Variants in KCNC2 observed in about 807,000 individuals in gnomAD.
The protein encoded by KCNC2 is voltage-gated potassium channel KCNC2.
A neutral mutation model predicts 44.5 loss-of-function variants in KCNC2; 21 were observed. That is an observed-to-expected ratio of 0.47 (90% CI 0.33 to 0.68). KCNC2 has a LOEUF of 0.68. KCNC2 is among the 30% of genes least tolerant of loss of function. KCNC2 has a pLI of 0.01. For missense variants in KCNC2, 589 were observed against 826.2 expected, an observed-to-expected ratio of 0.71 and a Z score of 3.52; for synonymous variants, 391 against 339.1, an observed-to-expected ratio of 1.15 and a Z score of -1.68.
At chr12:75,196,958 T>A (rs2030821451) in intron 2 of KCNC2, among the ~76,000 whole-genome samples, 1 of 152,054 alleles carries the variant, frequency 6.6e-6, no homozygotes, top group Non-Finnish European at 1.5e-5. Context: ...TGTTGAATTG[T>A]ATTTGTTTTT....
At chr12:75,175,406 A>C (rs1341568692) in intron 2 of KCNC2, among the ~76,000 whole-genome samples, 1 of 152,032 alleles carries the variant, frequency 6.6e-6, no homozygotes, top group East Asian at 1.9e-4. Flanking sequence ...GAGATTATAT[A>C]TGTGGGGAAT....
rs1270264389 is a variant in KCNC2 at position 75,041,945 on chromosome 12, T to C, written c.*1160A>G. On this transcript the variant is annotated 3_prime_UTR_variant, in exon 5 of 5. Transcript: ENST00000549446. ...GTGCTTCATGGAGACAGATGGCATATACAGGAAAGACAGGGAGCTAAGACA... is the reference window on the plus strand; with the variant it reads ...GTGCTTCATGGAGACAGATGGCATACACAGGAAAGACAGGGAGCTAAGACA... 5.0e-6 allele frequency: 5 copies of C among 1,006,212 alleles called. No individual in the cohort carries two copies. In the African/African-American group the frequency reaches 5.2e-5, roughly 10 times the overall value. The allele number at this position is 1,006,212 out of a possible 1,614,324, so 62.3% of individuals were successfully genotyped here. A position where few individuals can be genotyped will look rare whatever the true frequency, so the allele number is the denominator to read the frequency against.
chr12:75,043,514 G>A (rs1241812631), intron 4 of KCNC2: 2 of 1,230,312 alleles, frequency 1.6e-6, no homozygotes, highest in Non-Finnish European at 2.1e-6. Flanking sequence ...TATAATTTTG[G>A]CATATAGAAT....
rs560846232 is a variant in KCNC2 at position 75,050,919 on chromosome 12, G to A, written c.1086C>T (p.Thr362=). 1 of 1,613,488 alleles carries A rather than the reference G, an allele frequency of 6.2e-7. No individual in the cohort carries two copies. Among genetic ancestry groups the A allele is most frequent in the African/African-American group, 1.3e-5 (1 of 74,920 alleles). Reference sequence around the variant, plus strand: ...GCACCCTCAGACCTACAAAATGGCGGGTGAGCTTGAAAATTCTCAGGATCC... The same window carrying A: ...GCACCCTCAGACCTACAAAATGGCGAGTGAGCTTGAAAATTCTCAGGATCC... ...FVRILRIFKL[T]RHFVGLRVLG... The change falls in exon 3 of 5, where the codon ACC becomes ACT. Residue 362 remains threonine (T), a synonymous_variant. Coordinates refer to ENST00000549446, the MANE Select transcript of KCNC2 (RefSeq NM_139137.4).
chr12:75,041,746 C>A lies in KCNC2; in HGVS notation c.*1359G>T. On this transcript the variant is annotated 3_prime_UTR_variant, in exon 5 of 5. Coordinates refer to ENST00000549446, the MANE Select transcript of KCNC2 (RefSeq NM_139137.4). ...ACCAAGTGCAATGGTGAAATTGCTG[C>A]TTAAACCCTGCTTATCAAAAAGATT... 1.0e-6 allele frequency: 1 copy of A among 992,306 alleles called. No individual in the cohort carries two copies. The highest frequency in any genetic ancestry group is 1.2e-6 in the Non-Finnish European group (1 of 833,868). The allele number at this position is 992,306 out of a possible 1,614,324, so 61.5% of individuals were successfully genotyped here.
intron 2 of KCNC2, among the ~76,000 whole-genome samples, chr12:75,170,202 G>A (rs1593017368): frequency 6.6e-6 from 1 of 151,672 alleles, no homozygotes; most frequent in Non-Finnish European, 1.5e-5. Context: ...ATTTTACAAA[G>A]CTCTTCCTCG....
At chr12:75,153,564 C>T (rs902545864) in intron 2 of KCNC2, among the ~76,000 whole-genome samples, 1 of 151,556 alleles carries the variant, frequency 6.6e-6, no homozygotes, top group Non-Finnish European at 1.5e-5. Flanking sequence ...CAGTCTTCAC[C>T]ACTATGCAAT....
chr12:75,173,473 T>A (rs2137594049), intron 2 of KCNC2, among the ~76,000 whole-genome samples: 1 of 151,950 alleles, frequency 6.6e-6, no homozygotes, highest in South Asian at 2.1e-4. Context: ...TAGTTCCTCA[T>A]TTCTCACAAA....
intron 2 of KCNC2, among the ~76,000 whole-genome samples, chr12:75,102,103 G>T (rs1391891787): frequency 6.6e-6 from 1 of 152,054 alleles, no homozygotes; most frequent in Non-Finnish European, 1.5e-5. Flanking sequence ...CATCAGTGGA[G>T]AGTGTATGAA....
chr12:75,127,478 G>C (rs1592927623), intron 2 of KCNC2, among the ~76,000 whole-genome samples: 2 of 152,082 alleles, frequency 1.3e-5, no homozygotes, highest in South Asian at 4.1e-4. Flanking sequence ...TAAAAGGGAA[G>C]GGAAGGGAAC....
chr12:75,042,792 T>C lies in KCNC2; in HGVS notation c.*313A>G. 8.5e-7 allele frequency: 1 copy of C among 1,176,636 alleles called. No homozygotes were observed. The highest frequency in any genetic ancestry group is 2.8e-5 in the South Asian group (1 of 35,638). The allele number at this position is 1,176,636 out of a possible 1,614,324, so 72.9% of individuals were successfully genotyped here. A position where few individuals can be genotyped will look rare whatever the true frequency, so the allele number is the denominator to read the frequency against. On this transcript the variant is annotated 3_prime_UTR_variant, in exon 5 of 5. Transcript: ENST00000549446. ...GCATTTGGAAGCACACTGTTTTAAA[T>C]ATATCTCCCTGAAGGTATGTTTATA...
chr12:75,098,902 C>T (rs956485950), intron 2 of KCNC2, among the ~76,000 whole-genome samples: 12 of 152,122 alleles, frequency 7.9e-5, no homozygotes, highest in Non-Finnish European at 2.9e-5. Context: ...GAGAGACCTG[C>T]TGACATGCAG....
chr12:75,048,211 T>C lies in KCNC2; in HGVS notation c.1722A>G (p.Thr574=), dbSNP rs1880752033. Residue 574 remains threonine, a synonymous_variant, in exon 4 of 5, where the codon ACA becomes ACG. Coordinates refer to ENST00000549446, the MANE Select transcript of KCNC2 (RefSeq NM_139137.4). ...AATCACCTGTCGTCAGTAGGAAACA[T>C]GTTTCCCCTCTTCTGTTTTTGTCTC... ...STRDKNRRGE[T]CFLLTTGDYT... 3 of 1,613,034 alleles carry C rather than the reference T, an allele frequency of 1.9e-6. No individual in the cohort carries two copies. Among genetic ancestry groups the C allele is most frequent in the Non-Finnish European group, 2.5e-6 (3 of 1,179,422 alleles).
At chr12:75,092,431 T>C (rs575884382) in intron 2 of KCNC2, among the ~76,000 whole-genome samples, 1 of 151,788 alleles carries the variant, frequency 6.6e-6, no homozygotes, top group East Asian at 1.9e-4. Context: ...ATGGCTAACA[T>C]AAAATTATTT....
chr12:75,194,886 A>G (rs1200701752), intron 2 of KCNC2, among the ~76,000 whole-genome samples: 1 of 152,120 alleles, frequency 6.6e-6, no homozygotes, highest in African/African-American at 2.4e-5. Flanking sequence ...GGAAGGAATG[A>G]CTGCCTTGTT....
At chr12:75,051,440 T>C (rs1398109532) in intron 2 of KCNC2, 123 bp from the exon 3 acceptor site, 2 of 618,262 alleles carry the variant, frequency 3.2e-6, no homozygotes, top group East Asian at 2.8e-5. Context: ...GAGGTTTCAC[T>C]TGGATATGAC....
intron 2 of KCNC2, among the ~76,000 whole-genome samples, chr12:75,140,598 G>T (rs1045249180): frequency 6.6e-6 from 1 of 151,852 alleles, no homozygotes; most frequent in Non-Finnish European, 1.5e-5. Context: ...TATCCTTCAA[G>T]GTTTATGTCT....
At chr12:75,178,014 C>T (rs1009017266) in intron 2 of KCNC2, among the ~76,000 whole-genome samples, 5 of 152,048 alleles carry the variant, frequency 3.3e-5, no homozygotes, top group African/African-American at 1.2e-4. Context: ...ATTTGAGTGG[C>T]CAGGCCTACC....
intron 2 of KCNC2, among the ~76,000 whole-genome samples, chr12:75,176,474 C>G (rs1357234138): frequency 1.3e-5 from 2 of 151,890 alleles, no homozygotes; most frequent in Non-Finnish European, 2.9e-5. Context: ...ATCTAGTGCC[C>G]TACACATTTT....
Sources: allele counts gnomAD v4.1 joint callset (sites outside exome capture counted in the v4.1 genomes callset), GRCh38; gene constraint gnomAD v4.1.1; transcripts MANE v1.5; gene names NCBI Gene and HGNC (gene_info 2026-07-23, HGNC 2026-07-21).